Variants in FLNB observed in about 807,000 individuals in gnomAD.
The protein encoded by FLNB is filamin B, also known as filamin-B.
FLNB carries 111 observed loss-of-function variants against 250.6 expected under a neutral mutation model. The ratio of observed to expected loss-of-function variants is 0.44; its 90% confidence interval spans 0.38 to 0.52. FLNB has a LOEUF of 0.52. FLNB is among the 20% of genes least tolerant of loss of function. FLNB has a pLI of 0.00. For synonymous variants in FLNB, 1,302 were observed against 1,372.1 expected (o/e 0.95, Z 1.13); for missense variants, 2,869 against 3,447.8 (o/e 0.83, Z 4.20).
At chr3:58,046,716 G>A (rs2097154884) in intron 1 of FLNB, among the ~76,000 whole-genome samples, 1 of 152,200 alleles carries the variant, frequency 6.6e-6, no homozygotes, top group African/African-American at 2.4e-5. Context: ...TTACAGGTGT[G>A]AGCCACTGTG....
chr3:58,130,611 G>A (rs2097305706), intron 24 of FLNB, 130 bp from the exon 25 acceptor site: 2 of 815,390 alleles, frequency 2.5e-6, no homozygotes, highest in Non-Finnish European at 4.1e-6. Context: ...AGTGCACACA[G>A]TGAGGCAGGG....
At position 58,126,746 on chromosome 3, in the gene FLNB, A is replaced by AGG; in HGVS notation, c.4207_4208dup (p.Ala1404GlufsTer13). The AGG allele has an allele frequency of 6.2e-7, 1 of 1,613,744 alleles. No homozygotes were observed. Among genetic ancestry groups the AGG allele is most frequent in the East Asian group, 2.2e-5 (1 of 44,880 alleles). Reference sequence around the variant, plus strand: ...ATTACGATGTTAATATCACATATGGAGGAGCCCACATCCCCGGTGAGCTAT... The same window carrying AGG: ...ATTACGATGTTAATATCACATATGGAGGGGAGCCCACATCCCCGGTGAGCTAT... On this transcript the variant is annotated frameshift_variant, in exon 24 of 46. Transcript: ENST00000295956. LOFTEE classifies it high-confidence loss of function.
intron 1 of FLNB, among the ~76,000 whole-genome samples, chr3:58,011,625 C>G (rs571661319): frequency 6.6e-6 from 1 of 152,322 alleles, no homozygotes; most frequent in Non-Finnish European, 1.5e-5. Flanking sequence ...GGCAAAGTTA[C>G]CTCCAGCTTG....
At chr3:58,023,459 G>T (rs1011252793) in intron 1 of FLNB, among the ~76,000 whole-genome samples, 1 of 152,092 alleles carries the variant, frequency 6.6e-6, no homozygotes, top group African/African-American at 2.4e-5. Context: ...GCAAAAAATT[G>T]CAAGAACACA....
At position 58,096,826 on chromosome 3, in the gene FLNB, G is replaced by A. The variant is rs1022483258; in HGVS notation, c.984+608G>A. ...ACCCTGCTGGCTCTTTGTCCTTAAT[G>A]CTTTCTTAAGAACTCTCCTTGGAGG... On this transcript the variant is annotated intron_variant, in intron 6 of 45. Transcript: ENST00000295956. Among the ~76,000 whole-genome samples the A allele has an allele frequency of 5.9e-5, 9 of 152,260 alleles. No individual in the cohort carries two copies. The East Asian group carries it at 1.7e-3, about 29-fold the overall frequency.
chr3:58,102,331 A>C lies in FLNB; in HGVS notation c.1474A>C (p.Lys492Gln), dbSNP rs771685608. ...AAGTGGGGAGCTCGGTGTAACCATG[A>C]AGGGTCCTAGTAAGTGTTCCTTTGT... The part of the protein sequence containing the change: ...AGSGELGVTM[K>Q]GPKGLEELVK... The change falls in exon 9 of 46, where the codon AAG (lysine) becomes CAG (glutamine). Residue 492 changes from lysine to glutamine, a missense_variant. By Grantham distance (53) the Lys-to-Gln change is moderately conservative. This residue lies in a region of FLNB where 1,348 missense variants were observed against 1,466.7 expected (regional missense o/e 0.92). Coordinates refer to ENST00000295956, the MANE Select transcript of FLNB (RefSeq NM_001457.4). 1 of 1,614,088 alleles carries C rather than the reference A, an allele frequency of 6.2e-7. No individual in the cohort carries two copies. The highest frequency in any genetic ancestry group is 8.5e-7 in the Non-Finnish European group (1 of 1,180,002).
chr3:58,149,948 A>G lies in FLNB; in HGVS notation c.6190A>G (p.Thr2064Ala), dbSNP rs547129461. ...CACCTGCAAAGTCTCCTACTTCCCT[A>G]CCGTGCCTGGGGTTTATATCGTCTC... is the stretch of plus-strand genomic sequence containing the variant. ...DGTCKVSYFPTVPGVYIVSTK... is the reference protein window; with the variant it reads ...DGTCKVSYFPAVPGVYIVSTK... The change falls in exon 37 of 46, where the codon ACC becomes GCC. Residue 2064 changes from threonine (T) to alanine (A), a missense_variant. By Grantham distance (58) the Thr-to-Ala change is moderately conservative. Coordinates refer to ENST00000295956, the MANE Select transcript of FLNB (RefSeq NM_001457.4). 3.6e-5 allele frequency: 58 copies of G among 1,614,062 alleles called. No homozygotes were observed. The highest frequency in any genetic ancestry group is 4.6e-5 in the Non-Finnish European group (54 of 1,180,024).
intron 36 of FLNB, chr3:58,149,476 T>A: frequency 3.1e-6 from 1 of 319,486 alleles, no homozygotes; most frequent in East Asian, 8.0e-5. Context: ...AGGGGCTATT[T>A]AAAAATTCAA....
Position 58,164,587 on chromosome 3 carries a change from G to C in FLNB, c.7198+1257G>C, listed in dbSNP as rs982068390. The C allele has an allele frequency of 6.6e-6, 1 of 152,382 alleles. No homozygotes were observed. Among genetic ancestry groups the C allele is most frequent in the African/African-American group, 2.4e-5 (1 of 41,424 alleles). 9.4% of individuals were successfully genotyped at this position (152,382 alleles called of 1,614,324 possible). A position where few individuals can be genotyped will look rare whatever the true frequency, so the allele number is the denominator to read the frequency against. On this transcript the variant is annotated intron_variant, in intron 43 of 45. Transcript: ENST00000295956. The surrounding 1 kb of genome is among the most constrained non-coding windows in gnomAD (Gnocchi z 4.0). ...TGTGTGGCCAAGGGGCCCTCTCCGG[G>C]TGCAGGAGTGACTGGTGGGCTGGCA...
In FLNB at chr3:58,137,550, C is replaced by G. The variant is rs139427612; in HGVS notation, c.4862-732C>G. Among the ~76,000 whole-genome samples, 4 of 152,360 alleles carry G rather than the reference C, an allele frequency of 2.6e-5. No homozygotes were observed. In the East Asian group the frequency reaches 7.7e-4, roughly 29 times the overall value. ...CCCTGAACAAACTGTTCTTGCCACCCTCCCTATTACTCCTACGCACTTGGC... is the reference window on the plus strand; with the variant it reads ...CCCTGAACAAACTGTTCTTGCCACCGTCCCTATTACTCCTACGCACTTGGC... On this transcript the variant is annotated intron_variant, in intron 28 of 45. Transcript: ENST00000295956.
Position 58,150,208 on chromosome 3 carries a change from C to G in FLNB, c.6348C>G (p.Asp2116Glu), listed in dbSNP as rs752614000. 8 of 1,614,212 alleles carry G rather than the reference C, an allele frequency of 5.0e-6. No homozygotes were observed. In the South Asian group the frequency reaches 8.8e-5, roughly 18 times the overall value. ...PSVATVGSICDLNLKIPEINS... is the reference protein window; with the variant it reads ...PSVATVGSICELNLKIPEINS... ...TGGCCACTGTCGGGAGCATTTGTGA[C>G]CTGAACCTGAAAATCCCAGGTGGGC... Residue 2116 changes from aspartate (D) to glutamate (E), a missense_variant, in exon 38 of 46, where the codon GAC becomes GAG. By Grantham distance (45) the Asp-to-Glu change is conservative (BLOSUM62 2). This residue lies in a region of FLNB where 1,084 missense variants were observed against 1,315.5 expected (regional missense o/e 0.82). Transcript: ENST00000295956.
At chr3:58,027,243 C>A (rs2097124703) in intron 1 of FLNB, among the ~76,000 whole-genome samples, 1 of 151,986 alleles carries the variant, frequency 6.6e-6, no homozygotes, top group Non-Finnish European at 1.5e-5. Flanking sequence ...ACCTCCGCCT[C>A]CCAGGTTCAA....
At chr3:58,045,870 T>C (rs2106819527) in intron 1 of FLNB, among the ~76,000 whole-genome samples, 1 of 151,966 alleles carries the variant, frequency 6.6e-6, no homozygotes, top group East Asian at 1.9e-4. Flanking sequence ...CGTGGTAGTG[T>C]ACGCCTGTAG....
rs369429040 is a variant in FLNB, at chr3:58,094,990, C to G, written c.906+36C>G. 3.1e-5 allele frequency: 47 copies of G among 1,501,902 alleles called. No individual in the cohort carries two copies. The African/African-American group carries it at 6.2e-4, about 20-fold the overall frequency. 93.0% of individuals were successfully genotyped at this position (1,501,902 alleles called of 1,614,324 possible). On this transcript the variant is annotated intron_variant, in intron 5 of 45. Transcript: ENST00000295956. The stretch of plus-strand genomic sequence containing the variant: ...GGATGCTGCCTCTCCTTTCCAGCAC[C>G]TCATGGAGCTTTTGGGGCTTGTAAT...
rs921714937 is a variant in FLNB at position 58,123,573 on chromosome 3, A to G, written c.3607A>G (p.Thr1203Ala). The change falls in exon 21 of 46, where the codon ACG becomes GCG. Residue 1203 changes from threonine (T) to alanine (A), a missense_variant. Around this residue, in one of 5 missense-constraint regions of FLNB, gnomAD observed 1,348 missense variants for 1,466.7 expected, o/e 0.92. Transcript: ENST00000295956. Reference sequence around the variant, plus strand: ...CGTGCCCCTGACGGCCGGCATGTACACGTTGACCATGAAGTATGGTGGCGA... The same window carrying G: ...CGTGCCCCTGACGGCCGGCATGTACGCGTTGACCATGAAGTATGGTGGCGA... ...TYVPLTAGMY[T>A]LTMKYGGELV... The G allele has an allele frequency of 3.7e-6, 6 of 1,612,442 alleles. No homozygotes were observed. The African/African-American group carries it at 6.7e-5, about 18-fold the overall frequency.
chr3:58,144,501 T>C (rs1162183519), intron 32 of FLNB, among the ~76,000 whole-genome samples: 2 of 152,246 alleles, frequency 1.3e-5, no homozygotes, highest in Admixed American at 6.5e-5. Context: ...TTTGACCATT[T>C]CCCTATTGGA....
At chr3:58,063,042 A>G (rs1028664587) in intron 1 of FLNB, among the ~76,000 whole-genome samples, 13 of 152,166 alleles carry the variant, frequency 8.5e-5, no homozygotes, top group African/African-American at 3.1e-4. Flanking sequence ...CGAGGGAGTT[A>G]CGACTCTCAT....
chr3:58,083,239 C>CT (rs71091340), intron 4 of FLNB, among the ~76,000 whole-genome samples: 122 of 136,458 alleles, frequency 8.9e-4, no homozygotes, highest in South Asian at 4.7e-3. Flanking sequence ...TTTCCCCAAA[C>CT]TTTTTTTTTT....
intron 1 of FLNB, among the ~76,000 whole-genome samples, chr3:58,039,554 A>G (rs1048809683): frequency 1.4e-4 from 21 of 152,160 alleles, no homozygotes; most frequent in African/African-American, 5.1e-4. Context: ...TGCATTTCCT[A>G]CTAGACTTGA....
Sources: gnomAD v4.1 joint callset for allele counts (sites outside exome capture counted in the v4.1 genomes callset) on GRCh38, gnomAD v4.1.1 for gene constraint, gnomAD v4.1.1 regional missense constraint, Gnocchi (gnomAD v3.1) non-coding constraint, MANE v1.5 for transcripts, NCBI Gene and HGNC (gene_info 2026-07-23, HGNC 2026-07-21) for gene names.